Variants in MAPK8 observed in about 807,000 individuals in gnomAD.
MAPK8 encodes JUN N-terminal kinase.
A neutral mutation model predicts 52.9 loss-of-function variants in MAPK8; 13 were observed. The ratio of observed to expected loss-of-function variants is 0.25; its 90% confidence interval spans 0.16 to 0.39. The LOEUF is 0.39. Among genes scored for constraint, MAPK8 ranks in the 10% least tolerant of loss-of-function variants. MAPK8 has a pLI of 1.00. For synonymous variants in MAPK8, 191 were observed against 169.8 expected (o/e 1.12, Z -0.97); for missense variants, 300 against 519.2 (o/e 0.58, Z 4.10).
chr10:48,397,215 C>T (rs1276541543), intron 1 of MAPK8, among the ~76,000 whole-genome samples: 1 of 151,548 alleles, frequency 6.6e-6, no homozygotes, highest in Non-Finnish European at 1.5e-5. Context: ...GTAGTGCTAT[C>T]ATAGCTCACT....
At chr10:48,394,847 A>T (rs778588486) in intron 1 of MAPK8, among the ~76,000 whole-genome samples, 2 of 149,834 alleles carry the variant, frequency 1.3e-5, no homozygotes, top group Non-Finnish European at 2.9e-5. Context: ...AAGTGAGTCT[A>T]TTACAAAATC....
intron 1 of MAPK8, among the ~76,000 whole-genome samples, chr10:48,389,891 A>G (rs773903734): frequency 1.6e-4 from 24 of 152,308 alleles, no homozygotes; most frequent in African/African-American, 5.8e-4. Context: ...CAAGTAAGGC[A>G]TCTCTGAGGA....
chr10:48,383,690 T>G (rs573072934), intron 1 of MAPK8, among the ~76,000 whole-genome samples: 78 of 152,006 alleles, frequency 5.1e-4, no homozygotes, highest in African/African-American at 1.9e-3. Flanking sequence ...GTCCTGGTTT[T>G]GAAAAAAAAA....
At chr10:48,339,303 T>C (rs987903869) in intron 1 of MAPK8, among the ~76,000 whole-genome samples, 1 of 152,134 alleles carries the variant, frequency 6.6e-6, no homozygotes, top group Non-Finnish European at 1.5e-5. Flanking sequence ...TGAACTGATC[T>C]TCAACTGAGT....
chr10:48,414,484 CCT>C (rs1041769458), intron 5 of MAPK8, among the ~76,000 whole-genome samples: 4 of 128,632 alleles, frequency 3.1e-5, no homozygotes, highest in African/African-American at 1.2e-4. Context: ...ACAGAATCTT[CCT>C]CTGTCACTCA....
At chr10:48,360,628 A>G (rs972811488) in intron 1 of MAPK8, among the ~76,000 whole-genome samples, 4 of 152,192 alleles carry the variant, frequency 2.6e-5, no homozygotes, top group East Asian at 1.9e-4. Context: ...CATAGGCCCA[A>G]TTTGTGAACT....
chr10:48,412,807 T>A (rs563899127), intron 5 of MAPK8, among the ~76,000 whole-genome samples: 1 of 152,354 alleles, frequency 6.6e-6, no homozygotes, highest in East Asian at 1.9e-4. Flanking sequence ...ACATATAAAA[T>A]GTGCCATTTT....
At chr10:48,431,768 C>CT (rs757491141) in intron 11 of MAPK8, among the ~76,000 whole-genome samples, 12 of 151,926 alleles carry the variant, frequency 7.9e-5, no homozygotes, top group African/African-American at 9.7e-5. Flanking sequence ...GGAGTTAAAA[C>CT]TTTTTTTTAT....
intron 1 of MAPK8, among the ~76,000 whole-genome samples, chr10:48,377,408 A>T (rs187438531): frequency 8.5e-5 from 13 of 152,244 alleles, no homozygotes; most frequent in Admixed American, 7.2e-4. Context: ...ACTGATCACT[A>T]TATCCAGATA....
At chr10:48,337,203 C>T (rs1210145329) in intron 1 of MAPK8, among the ~76,000 whole-genome samples, 1 of 152,158 alleles carries the variant, frequency 6.6e-6, no homozygotes. Context: ...AAAATGACCA[C>T]ATGCTCAGTC....
At chr10:48,388,857 AG>A (rs2041467404) in intron 1 of MAPK8, among the ~76,000 whole-genome samples, 1 of 152,140 alleles carries the variant, frequency 6.6e-6, no homozygotes. Flanking sequence ...AGTATAGAGG[AG>A]GAACCGTAAA....
At chr10:48,428,169 GT>G (rs1349948791) in intron 10 of MAPK8, among the ~76,000 whole-genome samples, 3 of 152,114 alleles carry the variant, frequency 2.0e-5, no homozygotes, top group African/African-American at 7.2e-5. Flanking sequence ...ATCTAATGTA[GT>G]TTTATTCTAT....
intron 1 of MAPK8, among the ~76,000 whole-genome samples, chr10:48,314,352 A>C (rs1409411317): frequency 6.6e-6 from 1 of 152,158 alleles, no homozygotes; most frequent in Non-Finnish European, 1.5e-5. Flanking sequence ...TCTCCTCCAG[A>C]TACTATCAAG....
chr10:48,423,922 T>C (rs978311100), intron 6 of MAPK8, among the ~76,000 whole-genome samples, 166 bp from the exon 7 acceptor site: 6 of 152,192 alleles, frequency 3.9e-5, no homozygotes, highest in Non-Finnish European at 7.4e-5. Flanking sequence ...AACCAGACTT[T>C]CAAAAAATAA....
At chr10:48,434,548 A>T (rs4838590) in intron 11 of MAPK8, among the ~76,000 whole-genome samples, 3 of 152,060 alleles carry the variant, frequency 2.0e-5, no homozygotes, top group Admixed American at 6.5e-5. Context: ...ATGTATTATC[A>T]GCAGTATTCA....
At position 48,424,136 on chromosome 10, in the gene MAPK8, A is replaced by C; in HGVS notation, c.665A>C (p.Lys222Thr). ...ATTATGGGAGAAATGGTTTGCCACA[A>C]AATCCTCTTTCCAGGAAGGGACTGT... is the stretch of plus-strand genomic sequence containing the variant. ...GCIMGEMVCH[K>T]ILFPGRDYID... Residue 222 changes from lysine (K) to threonine (T), a missense_variant, in exon 7 of 12, where the codon AAA becomes ACA. By Grantham distance (78) the Lys-to-Thr change is moderately conservative. This residue lies in a region of MAPK8 where 147 missense variants were observed against 328.1 expected (regional missense o/e 0.45). Transcript: ENST00000374189. 6.2e-7 allele frequency: 1 copy of C among 1,613,390 alleles called. No homozygotes were observed. The highest frequency in any genetic ancestry group is 8.5e-7 in the Non-Finnish European group (1 of 1,179,534).
intron 1 of MAPK8, among the ~76,000 whole-genome samples, chr10:48,370,234 T>C (rs879535118): frequency 6.6e-6 from 1 of 152,140 alleles, no homozygotes. Flanking sequence ...GTTGGGATTA[T>C]TTACAAATAA....
intron 1 of MAPK8, among the ~76,000 whole-genome samples, chr10:48,374,140 G>A (rs2040505213): frequency 6.6e-6 from 1 of 152,156 alleles, no homozygotes; most frequent in African/African-American, 2.4e-5. Flanking sequence ...GCTCCTGAAT[G>A]ACTACTGGAA....
chr10:48,352,038 G>A (rs1201298900), intron 1 of MAPK8, among the ~76,000 whole-genome samples: 1 of 152,062 alleles, frequency 6.6e-6, no homozygotes, highest in Non-Finnish European at 1.5e-5. Context: ...AAATAAATTT[G>A]ACAACTTTGA....
Sources: allele counts gnomAD v4.1 joint callset (sites outside exome capture counted in the v4.1 genomes callset), GRCh38; gene constraint gnomAD v4.1.1; regional missense constraint gnomAD v4.1.1; transcripts MANE v1.5; gene names NCBI Gene and HGNC (gene_info 2026-07-23, HGNC 2026-07-21).